Variants in DCLK2 observed in about 807,000 individuals in gnomAD.
DCLK2 encodes serine/threonine-protein kinase DCLK2.
Under a neutral mutation model 78.4 loss-of-function variants are expected in DCLK2, and 31 were observed. The observed-to-expected ratio is 0.40, with a 90% CI of 0.30 to 0.53. DCLK2 has a LOEUF of 0.53. DCLK2 is among the 20% of genes least tolerant of loss of function. The probability of loss-of-function intolerance (pLI) is 0.61; values close to 1 mark genes in which losing one functional copy is unlikely to be tolerated. For synonymous variants in DCLK2, 407 were observed against 374.9 expected (o/e 1.09, Z -0.99); for missense variants, 872 against 973.7 (o/e 0.90, Z 1.39).
chr4:150,153,228 G>A (rs1226399090), intron 2 of DCLK2, among the ~76,000 whole-genome samples: 1 of 152,152 alleles, frequency 6.6e-6, no homozygotes, highest in African/African-American at 2.4e-5. Flanking sequence ...TGGAATTGGT[G>A]ACAGGATGAA....
At chr4:150,080,500 C>T (rs747125838) in intron 1 of DCLK2, among the ~76,000 whole-genome samples, 82 of 152,226 alleles carry the variant, frequency 5.4e-4, no homozygotes, top group Non-Finnish European at 9.8e-4. Flanking sequence ...TGTTTACATA[C>T]AGTCCGCTCT....
At chr4:150,195,232 TAAAC>T (rs1268626125) in intron 3 of DCLK2, among the ~76,000 whole-genome samples, 1 of 1,922 alleles carries the variant, frequency 5.2e-4, no homozygotes, top group East Asian at 6.8e-3. Flanking sequence ...ATATATTATA[TAAAC>T]AATATTATAT....
chr4:150,119,795 A>G (rs986423590), intron 2 of DCLK2, among the ~76,000 whole-genome samples: 1 of 152,106 alleles, frequency 6.6e-6, no homozygotes, highest in Non-Finnish European at 1.5e-5. Context: ...AGTAGCCCAC[A>G]TTATGATACT....
intron 2 of DCLK2, among the ~76,000 whole-genome samples, chr4:150,176,233 C>T (rs1442002832): frequency 1.3e-5 from 2 of 152,102 alleles, no homozygotes. Flanking sequence ...TACTATGAGC[C>T]CTGAGCCTGG....
intron 1 of DCLK2, among the ~76,000 whole-genome samples, chr4:150,089,245 C>T (rs1729877310): frequency 6.6e-6 from 1 of 152,084 alleles, no homozygotes; most frequent in South Asian, 2.1e-4. Flanking sequence ...TTTGAGTTAC[C>T]ATCATTATCA....
chr4:150,247,465 G>A, intron 12 of DCLK2, 138 bp from the exon 13 acceptor site: 1 of 625,874 alleles, frequency 1.6e-6, no homozygotes, highest in Non-Finnish European at 2.8e-6. Flanking sequence ...AAATGGAATT[G>A]AGATACATAA....
intron 12 of DCLK2, among the ~76,000 whole-genome samples, chr4:150,240,934 A>G (rs1163510388): frequency 2.0e-5 from 3 of 152,156 alleles, no homozygotes; most frequent in Non-Finnish European, 4.4e-5. Context: ...TTTCATAAAA[A>G]TAAACCCATA....
intron 2 of DCLK2, among the ~76,000 whole-genome samples, chr4:150,105,718 T>C (rs2150158129): frequency 6.6e-6 from 1 of 152,202 alleles, no homozygotes; most frequent in Non-Finnish European, 1.5e-5. Context: ...AGTTGTTATA[T>C]TACCATGGAA....
At chr4:150,135,165 T>TACACACACACACACACACACACACACAC (rs57866267) in intron 2 of DCLK2, among the ~76,000 whole-genome samples, 23 of 146,928 alleles carry the variant, frequency 1.6e-4, no homozygotes, top group East Asian at 6.5e-4. Flanking sequence ...CATACACGTG[T>TACACACACACACACACACACACACACAC]ACACACACAC....
At chr4:150,202,002 ACTT>A (rs1739490878) in intron 4 of DCLK2, among the ~76,000 whole-genome samples, 2 of 152,018 alleles carry the variant, frequency 1.3e-5, no homozygotes, top group South Asian at 4.2e-4. Context: ...ACTTGCGTTG[ACTT>A]CTTCTATTAT....
chr4:150,252,109 C>G (rs1258433955), intron 15 of DCLK2, among the ~76,000 whole-genome samples: 1 of 152,142 alleles, frequency 6.6e-6, no homozygotes, highest in Non-Finnish European at 1.5e-5. Flanking sequence ...TCAGAGTTGT[C>G]AAAGAATTAC....
intron 2 of DCLK2, among the ~76,000 whole-genome samples, chr4:150,145,965 T>A (rs1211633185): frequency 3.3e-5 from 5 of 152,232 alleles, no homozygotes; most frequent in African/African-American, 1.2e-4. Context: ...GAAGAGCTTA[T>A]GCAGCTTCAC....
At chr4:150,125,360 T>G (rs1732846795) in intron 2 of DCLK2, among the ~76,000 whole-genome samples, 2 of 152,184 alleles carry the variant, frequency 1.3e-5, no homozygotes, top group Non-Finnish European at 1.5e-5. Context: ...AATTATTTAT[T>G]CAATAGACTT....
chr4:150,223,932 ATGT>A (rs1207997651), intron 7 of DCLK2, among the ~76,000 whole-genome samples: 4 of 152,000 alleles, frequency 2.6e-5, no homozygotes, highest in African/African-American at 7.2e-5. Flanking sequence ...TTATGGGCTA[ATGT>A]TGTTAATGGA....
chr4:150,175,056 A>ATATTTT (rs1553964215), intron 2 of DCLK2, among the ~76,000 whole-genome samples: 1 of 17,050 alleles, frequency 5.9e-5, no homozygotes, highest in African/African-American at 1.6e-4. Context: ...ATATATTTAT[A>ATATTTT]TATATATTTA....
chr4:150,200,819 A>G (rs1328301690), intron 4 of DCLK2, among the ~76,000 whole-genome samples: 7 of 152,204 alleles, frequency 4.6e-5, no homozygotes, highest in Non-Finnish European at 1.0e-4. Flanking sequence ...GCACATAGAT[A>G]TTAAGCTAGG....
At chr4:150,255,103 T>C (rs182901226) in intron 15 of DCLK2, among the ~76,000 whole-genome samples, 54 of 152,358 alleles carry the variant, frequency 3.5e-4, no homozygotes, top group African/African-American at 1.3e-3. Flanking sequence ...TTGTTGATTC[T>C]TATTTTCTCC....
At chr4:150,131,031 G>T (rs1036153239) in intron 2 of DCLK2, among the ~76,000 whole-genome samples, 1 of 152,052 alleles carries the variant, frequency 6.6e-6, no homozygotes, top group Admixed American at 6.6e-5. Flanking sequence ...TGATCATTTT[G>T]TTTTATTTAG....
intron 2 of DCLK2, among the ~76,000 whole-genome samples, chr4:150,113,264 A>G (rs781774092): frequency 6.6e-5 from 10 of 152,196 alleles, no homozygotes; most frequent in Admixed American, 1.3e-4. Flanking sequence ...TAATGGAATG[A>G]GTTAGGGTGG....
Sources: gnomAD v4.1 joint callset for allele counts (sites outside exome capture counted in the v4.1 genomes callset) on GRCh38, gnomAD v4.1.1 for gene constraint, MANE v1.5 for transcripts, NCBI Gene and HGNC (gene_info 2026-07-23, HGNC 2026-07-21) for gene names.